The following PIWIL3 variants were observed in gnomAD, a reference collection of about 807,000 sequenced individuals.
PIWIL3 encodes piwi-like protein 3.
In PIWIL3, 101 loss-of-function variants were observed where a neutral mutation model predicts 109.7. The observed-to-expected ratio is 0.92, with a 90% CI of 0.78 to 1.09. The LOEUF is 1.09. Among genes scored for constraint, PIWIL3 ranks in the 50% least tolerant of loss-of-function variants. The probability of loss-of-function intolerance (pLI) is 0.00; values close to 1 mark genes in which losing one functional copy is unlikely to be tolerated. For synonymous variants in PIWIL3, 373 were observed against 376.4 expected (o/e 0.99, Z 0.10); for missense variants, 1,031 against 1,072.6 (o/e 0.96, Z 0.54).
intron 2 of PIWIL3, among the ~76,000 whole-genome samples, chr22:24,761,274 T>C (rs1392020920): frequency 6.6e-6 from 1 of 151,994 alleles, no homozygotes; most frequent in Admixed American, 6.6e-5. Flanking sequence ...GCTCAAGGGC[T>C]GGGTCTTGGC....
chr22:24,725,590 C>CA (rs755912294), intron 16 of PIWIL3, 75 bp from the exon 17 acceptor site: 134 of 1,395,310 alleles, frequency 9.6e-5, no homozygotes, highest in Non-Finnish European at 1.3e-4. Flanking sequence ...AATCTATGGG[C>CA]AAAAAATATT....
intron 12 of PIWIL3, among the ~76,000 whole-genome samples, chr22:24,737,591 G>T (rs1375253372): frequency 2.0e-5 from 3 of 152,190 alleles, no homozygotes; most frequent in Non-Finnish European, 2.9e-5. Context: ...ACTTTGTCTT[G>T]CACCTTAGGT....
chr22:24,742,742 A>T (rs562546247), intron 12 of PIWIL3, among the ~76,000 whole-genome samples: 1 of 152,240 alleles, frequency 6.6e-6, no homozygotes, highest in Non-Finnish European at 1.5e-5. Context: ...TTATACAAAC[A>T]TCAACTCAAG....
intron 16 of PIWIL3, 98 bp from the exon 17 acceptor site, chr22:24,725,613 TAAG>T: frequency 8.6e-7 from 1 of 1,162,510 alleles, no homozygotes; most frequent in Admixed American, 1.8e-5. Context: ...TATCAGTAGT[TAAG>T]GACATTTTAG....
intron 8 of PIWIL3, among the ~76,000 whole-genome samples, chr22:24,753,380 T>C (rs978721673): frequency 6.6e-6 from 1 of 152,240 alleles, no homozygotes; most frequent in African/African-American, 2.4e-5. Flanking sequence ...GCAACATTAT[T>C]GAAAAGACTA....
chr22:24,764,799 A>G (rs1925692749), intron 1 of PIWIL3, among the ~76,000 whole-genome samples: 1 of 152,142 alleles, frequency 6.6e-6, no homozygotes, highest in Non-Finnish European at 1.5e-5. Context: ...GATTCACAAC[A>G]AAACCCAGCG....
chr22:24,742,575 T>A (rs553811818), intron 12 of PIWIL3, among the ~76,000 whole-genome samples: 21 of 152,168 alleles, frequency 1.4e-4, no homozygotes, highest in African/African-American at 5.1e-4. Flanking sequence ...TGGAACAGAA[T>A]AGAGAACCCA....
chr22:24,749,634 A>C (rs1924584478), intron 10 of PIWIL3, 59 bp downstream of exon 10: 1 of 1,612,654 alleles, frequency 6.2e-7, no homozygotes, highest in Non-Finnish European at 8.5e-7. Flanking sequence ...TTCCCTGAAA[A>C]GCCTGCGTTA....
At chr22:24,759,191 A>G (rs1260509945) in intron 3 of PIWIL3, among the ~76,000 whole-genome samples, 3 of 152,220 alleles carry the variant, frequency 2.0e-5, no homozygotes, top group Non-Finnish European at 4.4e-5. Flanking sequence ...AGTCCATGTA[A>G]TTTACACATA....
chr22:24,754,949 G>A (rs1383715626), intron 6 of PIWIL3, 85 bp from the exon 7 acceptor site: 6 of 1,062,478 alleles, frequency 5.6e-6, no homozygotes, highest in Non-Finnish European at 5.8e-6. Flanking sequence ...AAAAAAATCT[G>A]TCAATGACTG....
At chr22:24,721,461 A>AC (rs1432126490) in intron 19 of PIWIL3, among the ~76,000 whole-genome samples, 2 of 151,806 alleles carry the variant, frequency 1.3e-5, no homozygotes, top group Non-Finnish European at 2.9e-5. Context: ...ACCCCACCAC[A>AC]CCCCCATCAT....
At position 24,757,922 on chromosome 22, in the gene PIWIL3, T is replaced by C; in HGVS notation, c.341A>G (p.Lys114Arg). Residue 114 changes from lysine to arginine, a missense_variant, in exon 4 of 21, where the codon AAA becomes AGA. Physicochemically the swap from Lys to Arg is conservative, Grantham distance 26. Transcript: ENST00000616349. ...VNTRQDMKHV[K>R]DSKTGSEGTV... ...GACCAACATACCTGTTTTTGAGTCT[T>C]TAACATGCTTCATATCTTGCCTGGT... is the stretch of plus-strand genomic sequence containing the variant. 6.2e-7 allele frequency: 1 copy of C among 1,610,710 alleles called. No individual in the cohort carries two copies. The highest frequency in any genetic ancestry group is 1.3e-5 in the African/African-American group (1 of 74,648).
intron 13 of PIWIL3, among the ~76,000 whole-genome samples, chr22:24,734,423 A>G (rs1362158255): frequency 6.6e-6 from 1 of 152,208 alleles, no homozygotes; most frequent in Non-Finnish European, 1.5e-5. Flanking sequence ...TTTTCAAGAG[A>G]GGTGAGGACA....
At chr22:24,761,031 C>A (rs1473879915) in intron 2 of PIWIL3, among the ~76,000 whole-genome samples, 1 of 151,994 alleles carries the variant, frequency 6.6e-6, no homozygotes, top group Non-Finnish European at 1.5e-5. Flanking sequence ...AAAGCACAGA[C>A]TTTTGGCCTG....
intron 12 of PIWIL3, 46 bp from the exon 13 acceptor site, chr22:24,735,938 T>C (rs759464775): frequency 2.1e-6 from 3 of 1,452,198 alleles, no homozygotes; most frequent in Non-Finnish European, 2.8e-6. Context: ...ATTTTAAAGA[T>C]CAACTTATCT....
At chr22:24,758,552 G>T (rs982261368) in intron 3 of PIWIL3, among the ~76,000 whole-genome samples, 1 of 152,198 alleles carries the variant, frequency 6.6e-6, no homozygotes. Flanking sequence ...TTAAATGACA[G>T]CACAATGCGG....
Position 24,719,506 on chromosome 22 carries a change from T to C in PIWIL3, c.2588A>G (p.Asn863Ser), listed in dbSNP as rs778514396. ...AAAGAGACGAGTTGACAAGGAACGA[T>C]TCGGTTCCTGGTGAATGGACTGCCC... Reference protein sequence around the residue: ...LVGQSIHQEPNRSLSTRLFYL With the variant: ...LVGQSIHQEPSRSLSTRLFYL The change falls in exon 21 of 21, where the codon AAT (asparagine) becomes AGT (serine). Residue 863 changes from asparagine to serine, a missense_variant. Coordinates refer to ENST00000616349, the MANE Select transcript of PIWIL3 (RefSeq NM_001255975.1). The C allele has an allele frequency of 6.1e-5, 97 of 1,602,720 alleles. No individual in the cohort carries two copies. In the East Asian group the frequency reaches 2.1e-3, roughly 34 times the overall value.
At chr22:24,736,612 C>T (rs1051852304) in intron 12 of PIWIL3, among the ~76,000 whole-genome samples, 1 of 152,158 alleles carries the variant, frequency 6.6e-6, no homozygotes, top group African/African-American at 2.4e-5. Flanking sequence ...AAGGGAGCAC[C>T]TTCATAGGAA....
At chr22:24,750,526 T>A (rs1315368390) in intron 9 of PIWIL3, among the ~76,000 whole-genome samples, 1 of 144,150 alleles carries the variant, frequency 6.9e-6, no homozygotes, top group Non-Finnish European at 1.5e-5. Flanking sequence ...TTCACTCCTG[T>A]TGCCCAGGCT....
Sources: gnomAD v4.1 joint callset for allele counts (sites outside exome capture counted in the v4.1 genomes callset) on GRCh38, gnomAD v4.1.1 for gene constraint, MANE v1.5 for transcripts, NCBI Gene and HGNC (gene_info 2026-07-23, HGNC 2026-07-21) for gene names.